The following CDH4 variants were observed in gnomAD, a reference collection of about 807,000 sequenced individuals.
The protein encoded by CDH4 is cadherin 4.
Under a neutral mutation model 86.0 loss-of-function variants are expected in CDH4, and 33 were observed. The observed-to-expected ratio is 0.38, with a 90% CI of 0.29 to 0.51. CDH4 has a LOEUF of 0.51. Among genes scored for constraint, CDH4 ranks in the 20% least tolerant of loss-of-function variants. CDH4 has a pLI of 0.86. For missense variants in CDH4, 1,114 were observed against 1,307.4 expected (o/e 0.85, Z 2.28); for synonymous variants, 555 against 549.4 (o/e 1.01, Z -0.14).
chr20:61,772,970 T>C, intron 3 of CDH4, 33 bp from the exon 4 acceptor site: 5 of 1,587,154 alleles, frequency 3.2e-6, no homozygotes, highest in Non-Finnish European at 4.3e-6. Context: ...TAACTGGACT[T>C]CTCTGCCTCT....
intron 7 of CDH4, 123 bp from the exon 8 acceptor site, chr20:61,894,787 C>G: frequency 1.9e-6 from 2 of 1,061,938 alleles, no homozygotes; most frequent in Non-Finnish European, 2.7e-6. Context: ...CACACAGCCC[C>G]CAGTGAAAGA....
At chr20:61,435,561 A>C (rs6061402) in intron 2 of CDH4, 38,473 of 152,434 alleles carry the variant, frequency 0.25, 5,434 homozygotes, top group African/African-American at 0.37. Context: ...GGACAGTGAT[A>C]CTTGAGGACT....
chr20:61,747,167 C>T lies in CDH4; in HGVS notation c.396+3378C>T, dbSNP rs1387301329. On this transcript the variant is annotated intron_variant, in intron 3 of 15. Coordinates refer to ENST00000614565, the MANE Select transcript of CDH4 (RefSeq NM_001794.5). ...TAAGAAAGGACCCACAGGGACCGGG[C>T]GCGGTGGCTCACGCCTGTAATCTGA... 1.2e-4 allele frequency among the ~76,000 whole-genome samples: 19 copies of T among 152,162 alleles called. 1 individual carries two copies. The highest frequency in any genetic ancestry group is 4.6e-4 in the African/African-American group (19 of 41,424).
chr20:61,753,081 G>A (rs1432555784), intron 3 of CDH4, among the ~76,000 whole-genome samples: 1 of 152,122 alleles, frequency 6.6e-6, no homozygotes, highest in Non-Finnish European at 1.5e-5. Flanking sequence ...TTCTGATGGG[G>A]GCACGTGGTA....
At chr20:61,473,654 T>C (rs2085518360) in intron 2 of CDH4, among the ~76,000 whole-genome samples, 1 of 152,212 alleles carries the variant, frequency 6.6e-6, no homozygotes, top group East Asian at 1.9e-4. Flanking sequence ...AAATATGCTA[T>C]GGAGAATAAA....
intron 2 of CDH4, among the ~76,000 whole-genome samples, chr20:61,641,565 G>A (rs2087010475): frequency 6.6e-6 from 1 of 152,192 alleles, no homozygotes; most frequent in South Asian, 2.1e-4. Flanking sequence ...CTGCCTAGTG[G>A]GTGTCCAGAA....
At chr20:61,917,749 C>T (rs1358525355) in intron 9 of CDH4, among the ~76,000 whole-genome samples, 1 of 152,280 alleles carries the variant, frequency 6.6e-6, no homozygotes, top group African/African-American at 2.4e-5. Flanking sequence ...GGCAGCCATG[C>T]TGAGCCTCAG....
rs148625631 is a variant in CDH4, at chr20:61,873,777, G to A, written c.927G>A (p.Thr309=). ...VTANDADDST[T]ANGMVRYRIV... The stretch of plus-strand genomic sequence containing the variant: ...CCAACGATGCTGACGACAGCACCAC[G>A]GCCAACGGGATGGTGCGGTACCGGA... The change falls in exon 7 of 16, where the codon ACG becomes ACA. Residue 309 remains threonine, a synonymous_variant. Coordinates refer to ENST00000614565, the MANE Select transcript of CDH4 (RefSeq NM_001794.5). The A allele has an allele frequency of 3.7e-4, 598 of 1,613,962 alleles. 1 individual carries two copies. Among genetic ancestry groups the A allele is most frequent in the Admixed American group, 5.0e-4 (30 of 60,028 alleles).
intron 2 of CDH4, among the ~76,000 whole-genome samples, chr20:61,568,459 C>T (rs2086316799): frequency 6.6e-6 from 1 of 152,326 alleles, no homozygotes; most frequent in South Asian, 2.1e-4. Context: ...CCATGCTGAA[C>T]TGTGAGTCAA....
At chr20:61,871,927 G>T (rs1202882894) in intron 6 of CDH4, among the ~76,000 whole-genome samples, 1 of 152,196 alleles carries the variant, frequency 6.6e-6, no homozygotes, top group African/African-American at 2.4e-5. Flanking sequence ...CAAACTCCTA[G>T]TCAGACACAC....
intron 7 of CDH4, among the ~76,000 whole-genome samples, chr20:61,893,069 A>G (rs1056083663): frequency 1.5e-5 from 2 of 130,364 alleles, no homozygotes; most frequent in Non-Finnish European, 3.2e-5. Context: ...AGATAGATGG[A>G]TGGGTGAGTA....
chr20:61,770,789 A>C (rs2088765263), intron 3 of CDH4, among the ~76,000 whole-genome samples: 1 of 151,388 alleles, frequency 6.6e-6, no homozygotes. Flanking sequence ...GGGCTGAGGC[A>C]GGAGAATGGC....
intron 2 of CDH4, among the ~76,000 whole-genome samples, chr20:61,670,097 T>C (rs2087369898): frequency 1.3e-5 from 2 of 152,168 alleles, no homozygotes; most frequent in Admixed American, 1.3e-4. Flanking sequence ...CATTTCCAAT[T>C]GCAGGCAATA....
chr20:61,724,705 G>A (rs564034881), intron 2 of CDH4, among the ~76,000 whole-genome samples: 3 of 152,264 alleles, frequency 2.0e-5, no homozygotes, highest in Admixed American at 6.5e-5. Flanking sequence ...CAGTCAAGAT[G>A]GGAAGATTCT....
intron 5 of CDH4, among the ~76,000 whole-genome samples, chr20:61,847,185 C>A (rs886369936): frequency 3.9e-5 from 6 of 152,218 alleles, no homozygotes; most frequent in African/African-American, 1.4e-4. Context: ...GCATTCCCAC[C>A]AACTCCCCGG....
chr20:61,715,682 A>G (rs2087945101), intron 2 of CDH4, among the ~76,000 whole-genome samples: 1 of 152,200 alleles, frequency 6.6e-6, no homozygotes, highest in South Asian at 2.1e-4. Flanking sequence ...CTCTGGTCTG[A>G]GACCACCCAG....
intron 2 of CDH4, among the ~76,000 whole-genome samples, chr20:61,311,249 A>G (rs2084444045): frequency 6.6e-6 from 1 of 152,250 alleles, no homozygotes; most frequent in African/African-American, 2.4e-5. Context: ...AACTTTGAAT[A>G]GGCATGGAGA....
At chr20:61,255,071 G>A (rs1440554963) in intron 2 of CDH4, 134 bp downstream of exon 2, 8 of 644,738 alleles carry the variant, frequency 1.2e-5, no homozygotes, top group Middle Eastern at 3.7e-4. Context: ...TCCACGAGGT[G>A]CAAATTGGTT....
rs1051866961 is a variant in CDH4 at position 61,743,550 on chromosome 20, C to A, written c.170-13C>A. On this transcript the variant is annotated splice_polypyrimidine_tract_variant and intron_variant, in intron 2 of 15. Coordinates refer to ENST00000614565, the MANE Select transcript of CDH4 (RefSeq NM_001794.5). ...GCCAAGCCGACCCTGACTCTCTCCC[C>A]CTCCTCTTGCAGTCAAGTTCAGCAG... 2.6e-6 allele frequency: 4 copies of A among 1,552,298 alleles called. No individual in the cohort carries two copies. Among genetic ancestry groups the A allele is most frequent in the Admixed American group, 3.9e-5 (2 of 51,320 alleles).
Sources: gnomAD v4.1 joint callset for allele counts (sites outside exome capture counted in the v4.1 genomes callset) on GRCh38, gnomAD v4.1.1 for gene constraint, MANE v1.5 for transcripts, NCBI Gene and HGNC (gene_info 2026-07-23, HGNC 2026-07-21) for gene names.